The following TTLL7 variants were observed in gnomAD, a reference collection of about 807,000 sequenced individuals.
TTLL7 encodes the protein tubulin tyrosine ligase like 7.
Under a neutral mutation model 120.2 loss-of-function variants are expected in TTLL7, and 53 were observed. That is an observed-to-expected ratio of 0.44 (90% CI 0.35 to 0.55). The LOEUF is 0.55. TTLL7 is among the 20% of genes least tolerant of loss of function. The pLI is 0.00. For synonymous variants in TTLL7, 353 were observed against 351.7 expected (o/e 1.00, Z -0.04); for missense variants, 803 against 1,054.7 (o/e 0.76, Z 3.31).
In TTLL7 at chr1:83,865,310, G is replaced by A. The variant is rs897588384; in HGVS notation, c.*4652C>T. ...CATTAATATTCAGATGTTGTAGCAT[G>A]TACAGTAGTTATTGTATGAACTGAA... On this transcript the variant is annotated 3_prime_UTR_variant, in exon 21 of 21. Coordinates refer to ENST00000260505, the MANE Select transcript of TTLL7 (RefSeq NM_024686.6). The A allele has an allele frequency of 6.6e-6, 1 of 152,018 alleles. No individual in the cohort carries two copies. 9.4% of individuals were successfully genotyped at this position (152,018 alleles called of 1,614,324 possible).
chr1:83,995,486 T>G (rs937053336), intron 1 of TTLL7, among the ~76,000 whole-genome samples: 1 of 151,916 alleles, frequency 6.6e-6, no homozygotes, highest in Non-Finnish European at 1.5e-5. Context: ...CTTTCTGCTA[T>G]GTGACGTGCC....
rs1481985493 is a variant in TTLL7 at position 83,892,934 on chromosome 1, G to GAAAGA, written c.2209-2458_2209-2454dup. Among the ~76,000 whole-genome samples, 326 of 113,440 alleles carry GAAAGA rather than the reference G, an allele frequency of 2.9e-3. 4 individuals carry two copies. Among genetic ancestry groups the GAAAGA allele is most frequent in the Non-Finnish European group, 2.7e-3 (164 of 60,192 alleles). 74.4% of individuals were successfully genotyped at this position (113,440 alleles called of 152,430 possible). The stretch of plus-strand genomic sequence containing the variant: ...AAGAAAAAAGAAAGAAAAAGAGAAA[G>GAAAGA]AAAGAAAGAAAGAAAGAAAAGAATA... On this transcript the variant is annotated intron_variant, in intron 18 of 20. Coordinates refer to ENST00000260505, the MANE Select transcript of TTLL7 (RefSeq NM_024686.6).
chr1:83,957,558 T>A (rs952796087), intron 1 of TTLL7, among the ~76,000 whole-genome samples: 1 of 152,134 alleles, frequency 6.6e-6, no homozygotes, highest in Non-Finnish European at 1.5e-5. Flanking sequence ...TATTCCCATT[T>A]TATATATGGG....
chr1:83,960,680 T>C lies in TTLL7; in HGVS notation c.-176-8293A>G, dbSNP rs189230246. Among the ~76,000 whole-genome samples, 28 of 152,214 alleles carry C rather than the reference T, an allele frequency of 1.8e-4. No individual in the cohort carries two copies. In the East Asian group the frequency reaches 5.4e-3, roughly 29 times the overall value. On this transcript the variant is annotated intron_variant, in intron 1 of 20. Coordinates refer to ENST00000260505, the MANE Select transcript of TTLL7 (RefSeq NM_024686.6). ...AAGAGATAAGGGAATCCTCTACTTT[T>C]ATAGGTAAAATGGTGTTAATTAAAC... is the stretch of plus-strand genomic sequence containing the variant.
intron 17 of TTLL7, among the ~76,000 whole-genome samples, chr1:83,904,710 A>C (rs1570691): frequency 0.48 from 72,268 of 151,970 alleles, 18,272 homozygotes; most frequent in Non-Finnish European, 0.57. Context: ...AAATCCAAGA[A>C]ATAGATTTTT....
intron 1 of TTLL7, among the ~76,000 whole-genome samples, chr1:83,953,217 T>G (rs538032861): frequency 6.6e-6 from 1 of 152,340 alleles, no homozygotes; most frequent in South Asian, 2.1e-4. Context: ...ATTGTAAATA[T>G]ATGAACGTAG....
chr1:83,996,630 T>C (rs112782893), intron 1 of TTLL7, among the ~76,000 whole-genome samples: 70 of 152,352 alleles, frequency 4.6e-4, no homozygotes, highest in African/African-American at 1.6e-3. Flanking sequence ...AAGCCAATTC[T>C]AAGTTATTTG....
intron 1 of TTLL7, among the ~76,000 whole-genome samples, chr1:83,981,838 A>G (rs1651995358): frequency 6.6e-6 from 1 of 152,078 alleles, no homozygotes; most frequent in African/African-American, 2.4e-5. Flanking sequence ...CACAAAAAAA[A>G]AAAAAAAATC....
At chr1:83,933,506 G>T in intron 9 of TTLL7, 102 bp downstream of exon 9, 1 of 1,227,362 alleles carries the variant, frequency 8.1e-7, no homozygotes, top group Non-Finnish European at 1.1e-6. Context: ...CTTCATTCTG[G>T]ACAGTTAATG....
chr1:83,936,375 G>A lies in TTLL7; in HGVS notation c.888+1477C>T, dbSNP rs553255185. Among the ~76,000 whole-genome samples, 194 of 152,186 alleles carry A rather than the reference G, an allele frequency of 1.3e-3. 1 individual carries two copies. The highest frequency in any genetic ancestry group is 2.1e-3 in the Non-Finnish European group (143 of 68,018). On this transcript the variant is annotated intron_variant, in intron 8 of 20. Coordinates refer to ENST00000260505, the MANE Select transcript of TTLL7 (RefSeq NM_024686.6). ...TACAGAAAAAAAAGAATGCCAGAGG[G>A]TATATAAAACTTTCTTGGTCCCACT...
rs539096576 is a variant in TTLL7 at position 83,869,859 on chromosome 1, T to G, written c.*103A>C. On this transcript the variant is annotated 3_prime_UTR_variant, in exon 21 of 21. Coordinates refer to ENST00000260505, the MANE Select transcript of TTLL7 (RefSeq NM_024686.6). ...TTTTCACACATATATATGTCTTATA[T>G]ACATAAAACAGCACTTAATGGTCAT... The G allele has an allele frequency of 8.5e-5, 113 of 1,330,460 alleles. No homozygotes were observed. In the African/African-American group the frequency reaches 1.5e-3, roughly 18 times the overall value. The allele number at this position is 1,330,460 out of a possible 1,614,324, so 82.4% of individuals were successfully genotyped here.
rs12135028 is a variant in TTLL7, at chr1:83,917,808, T to C, written c.1501-118A>G. ...GATTCCTGAAATTATTTAGTGAAGA[T>C]TGCTCAGAAAAAAGGAGAAATATTA... On this transcript the variant is annotated intron_variant, in intron 13 of 20. Coordinates refer to ENST00000260505, the MANE Select transcript of TTLL7 (RefSeq NM_024686.6). The C allele has an allele frequency of 0.28, 192,223 of 677,282 alleles. 29,352 individuals are homozygous for C. The highest frequency in any genetic ancestry group is 0.36 in the Admixed American group (13,159 of 36,408). The allele number at this position is 677,282 out of a possible 1,614,324, so 42.0% of individuals were successfully genotyped here.
chr1:83,899,737 A>AAGC (rs1187306519), intron 18 of TTLL7, among the ~76,000 whole-genome samples: 6 of 151,764 alleles, frequency 4.0e-5, no homozygotes, highest in Admixed American at 1.3e-4. Context: ...AGAAGCAGCG[A>AAGC]AGCAGCAGCA....
chr1:83,945,089 A>G (rs1002193669), intron 6 of TTLL7, among the ~76,000 whole-genome samples: 6 of 152,232 alleles, frequency 3.9e-5, no homozygotes, highest in African/African-American at 1.2e-4. Flanking sequence ...AGAGAAATTG[A>G]GGAACAAAAG....
In TTLL7 at chr1:83,882,903, A is replaced by G. The variant is rs75362733; in HGVS notation, c.2543+60T>C. On this transcript the variant is annotated intron_variant, in intron 20 of 20. Coordinates refer to ENST00000260505, the MANE Select transcript of TTLL7 (RefSeq NM_024686.6). ...AACAAAAAAACACTGTCAATTTCAAACTGTGTTTTAGCATTACTTTACATA... is the reference window on the plus strand; with the variant it reads ...AACAAAAAAACACTGTCAATTTCAAGCTGTGTTTTAGCATTACTTTACATA... The G allele has an allele frequency of 2.1e-3, 3,342 of 1,554,604 alleles. 64 individuals are homozygous for G. The African/African-American group carries it at 0.038, about 18-fold the overall frequency.
At position 83,929,187 on chromosome 1, in the gene TTLL7, T is replaced by C. The variant is rs567499160; in HGVS notation, c.1091A>G (p.Tyr364Cys). ...TAGCAGCACTCCCCTTTTTACATCA[T>C]AGTCTATTTTCTGATCAGTTCCAAA... is the stretch of plus-strand genomic sequence containing the variant. ...PSFGTDQKID[Y>C]DVKRGVLLNA... is the part of the protein sequence containing the mutation. Residue 364 changes from tyrosine to cysteine, a missense_variant, in exon 10 of 21, where the codon TAT becomes TGT. Tyr to Cys is a radical substitution (Grantham distance 194). Around this residue, in one of 3 missense-constraint regions of TTLL7, gnomAD observed 324 missense variants for 507.7 expected, o/e 0.64. Transcript: ENST00000260505. 2 of 1,612,850 alleles carry C rather than the reference T, an allele frequency of 1.2e-6. No homozygotes were observed. Among genetic ancestry groups the C allele is most frequent in the East Asian group, 4.5e-5 (2 of 44,802 alleles).
chr1:83,866,485 T>C lies in TTLL7; in HGVS notation c.*3477A>G, dbSNP rs1652924068. Reference sequence around the variant, plus strand: ...GAAGCTACTATTATCTAGTTGGGTATAACTATTAGATGAAAAGAAGTTTAG... The same window carrying C: ...GAAGCTACTATTATCTAGTTGGGTACAACTATTAGATGAAAAGAAGTTTAG... On this transcript the variant is annotated 3_prime_UTR_variant, in exon 21 of 21. Transcript: ENST00000260505. 8 of 151,910 alleles carry C rather than the reference T, an allele frequency of 5.3e-5. No individual in the cohort carries two copies. Among genetic ancestry groups the C allele is most frequent in the Admixed American group, 5.3e-4 (8 of 15,238 alleles). The allele number at this position is 151,910 out of a possible 1,614,324, so 9.4% of individuals were successfully genotyped here.
chr1:83,871,358 C>T (rs541848662), intron 20 of TTLL7, among the ~76,000 whole-genome samples: 1 of 152,222 alleles, frequency 6.6e-6, no homozygotes, highest in South Asian at 2.1e-4. Context: ...AGCATTAGGC[C>T]AGTCCAATCT....
chr1:83,942,172 A>ATGTG (rs1648042145), intron 7 of TTLL7, among the ~76,000 whole-genome samples: 1 of 152,176 alleles, frequency 6.6e-6, no homozygotes, highest in African/African-American at 2.4e-5. Flanking sequence ...TCATTTCTAT[A>ATGTG]CAGGACCACT....
Sources: gnomAD v4.1 joint callset for allele counts (sites outside exome capture counted in the v4.1 genomes callset) on GRCh38, gnomAD v4.1.1 for gene constraint, gnomAD v4.1.1 regional missense constraint, MANE v1.5 for transcripts, NCBI Gene and HGNC (gene_info 2026-07-23, HGNC 2026-07-21) for gene names.